The following CDH8 variants were observed in gnomAD, a reference collection of about 807,000 sequenced individuals.
CDH8 encodes the protein cadherin-8.
A neutral mutation model predicts 68.1 loss-of-function variants in CDH8; 17 were observed. That is an observed-to-expected ratio of 0.25 (90% CI 0.17 to 0.37). The LOEUF (loss-of-function observed/expected upper bound fraction) is 0.37. Among genes scored for constraint, CDH8 ranks in the 10% least tolerant of loss-of-function variants. The probability of loss-of-function intolerance (pLI) is 1.00; values close to 1 mark genes in which losing one functional copy is unlikely to be tolerated. For synonymous variants in CDH8, 372 were observed against 365.1 expected (o/e 1.02, Z -0.21); for missense variants, 763 against 999.3 (o/e 0.76, Z 3.19).
chr16:61,780,432 A>T (rs1359034255), intron 8 of CDH8, among the ~76,000 whole-genome samples: 2 of 152,242 alleles, frequency 1.3e-5, no homozygotes, highest in Admixed American at 1.3e-4. Context: ...ACAAGAGGAT[A>T]AAGAATGACA....
chr16:61,920,993 C>G (rs1054427599), intron 2 of CDH8, among the ~76,000 whole-genome samples: 1 of 148,758 alleles, frequency 6.7e-6, no homozygotes, highest in Non-Finnish European at 1.5e-5. Context: ...TCTCAGTAAA[C>G]TATCACAAGA....
rs1282788362 is a variant in CDH8 at position 61,726,746 on chromosome 16, G to T, written c.1536+348C>A. On this transcript the variant is annotated intron_variant, in intron 9 of 11. Coordinates refer to ENST00000577390, the MANE Select transcript of CDH8 (RefSeq NM_001796.5). ...TGTGAAACAAATGTCTCCTCTCCAC[G>T]AGGTTTTACCTTGCTTCTTGTCATT... 2.6e-5 allele frequency: 9 copies of T among 349,640 alleles called. No individual in the cohort carries two copies. In the East Asian group the frequency reaches 3.3e-4, roughly 13 times the overall value. 21.7% of individuals were successfully genotyped at this position (349,640 alleles called of 1,614,324 possible). A position where few individuals can be genotyped will look rare whatever the true frequency, so the allele number is the denominator to read the frequency against.
chr16:62,013,657 A>T (rs957525375), intron 2 of CDH8, among the ~76,000 whole-genome samples: 1 of 152,086 alleles, frequency 6.6e-6, no homozygotes, highest in Admixed American at 6.5e-5. Context: ...ATAAATCTTA[A>T]TTTTTTAATG....
intron 2 of CDH8, among the ~76,000 whole-genome samples, chr16:61,921,034 C>G (rs1409585935): frequency 1.4e-5 from 2 of 146,286 alleles, no homozygotes; most frequent in Admixed American, 1.4e-4. Context: ...TATTCTCACT[C>G]GTAGGTGGGA....
intron 4 of CDH8, among the ~76,000 whole-genome samples, chr16:61,834,166 G>C (rs1489959722): frequency 6.6e-6 from 1 of 151,878 alleles, no homozygotes; most frequent in Non-Finnish European, 1.5e-5. Flanking sequence ...ACTCAGCCCT[G>C]GAGCATGCAA....
At chr16:61,804,559 GAT>G (rs2142997855) in intron 7 of CDH8, among the ~76,000 whole-genome samples, 1 of 148,060 alleles carries the variant, frequency 6.8e-6, no homozygotes, top group East Asian at 2.1e-4. Context: ...CAACAAAATT[GAT>G]AGACCACTAG....
At chr16:62,017,933 C>T (rs1282925408) in intron 2 of CDH8, among the ~76,000 whole-genome samples, 1 of 152,118 alleles carries the variant, frequency 6.6e-6, no homozygotes, top group Non-Finnish European at 1.5e-5. Flanking sequence ...CTCCCAGAGT[C>T]TTGTTATTCA....
At position 61,675,133 on chromosome 16, in the gene CDH8, TC is replaced by T. The variant is rs1425052436; in HGVS notation, c.1655-19413del. 7.2e-5 allele frequency among the ~76,000 whole-genome samples: 11 copies of T among 152,134 alleles called. No homozygotes were observed. In the East Asian group the frequency reaches 2.1e-3, roughly 30 times the overall value. On this transcript the variant is annotated intron_variant, in intron 10 of 11. Transcript: ENST00000577390. ...GTTATTAATCTTGAAGGCAAATTATTCCAGCTAGAAACATGAATTTAAACAA... is the reference window on the plus strand; with the variant it reads ...GTTATTAATCTTGAAGGCAAATTATTCAGCTAGAAACATGAATTTAAACAA...
At chr16:61,747,543 C>A (rs1442279265) in intron 8 of CDH8, among the ~76,000 whole-genome samples, 1 of 151,944 alleles carries the variant, frequency 6.6e-6, no homozygotes, top group Non-Finnish European at 1.5e-5. Context: ...AGGGACAAAG[C>A]AACAAGCTTA....
intron 2 of CDH8, among the ~76,000 whole-genome samples, chr16:62,009,619 C>T (rs1901758318): frequency 6.6e-6 from 1 of 152,106 alleles, no homozygotes; most frequent in Admixed American, 6.5e-5. Flanking sequence ...TTAAGAAGAA[C>T]CTAGAAAATT....
chr16:61,695,669 C>T (rs1295328041), intron 10 of CDH8, among the ~76,000 whole-genome samples: 1 of 152,224 alleles, frequency 6.6e-6, no homozygotes, highest in African/African-American at 2.4e-5. Flanking sequence ...GTTGAGAACC[C>T]ACTGATGTGA....
chr16:61,845,776 T>C (rs1471290365), intron 4 of CDH8, among the ~76,000 whole-genome samples: 1 of 152,142 alleles, frequency 6.6e-6, no homozygotes, highest in Non-Finnish European at 1.5e-5. Flanking sequence ...TATATAGCCA[T>C]ATGTGTCTTA....
chr16:61,988,813 AC>A (rs1965669521), intron 2 of CDH8, among the ~76,000 whole-genome samples: 1 of 152,056 alleles, frequency 6.6e-6, no homozygotes, highest in Admixed American at 6.6e-5. Flanking sequence ...TGTGGCTCAA[AC>A]TCCTTTAAAA....
intron 10 of CDH8, among the ~76,000 whole-genome samples, chr16:61,673,226 TTCTA>T (rs1436446153): frequency 7.2e-5 from 11 of 152,106 alleles, no homozygotes; most frequent in African/African-American, 2.7e-4. Context: ...TTTTATAAAT[TTCTA>T]TCTTTTTATT....
chr16:61,653,352 G>C lies in CDH8; in HGVS notation c.*256C>G. ...TCCCAATCTTTGTCTGTGGTGGTCA[G>C]GTAAATATCAAATATCCAAGGACTT... is the stretch of plus-strand genomic sequence containing the variant. On this transcript the variant is annotated 3_prime_UTR_variant, in exon 12 of 12. Coordinates refer to ENST00000577390, the MANE Select transcript of CDH8 (RefSeq NM_001796.5). The C allele has an allele frequency of 2.4e-6, 3 of 1,245,368 alleles. No individual in the cohort carries two copies. Among genetic ancestry groups the C allele is most frequent in the Non-Finnish European group, 2.0e-6 (2 of 996,936 alleles). The allele number at this position is 1,245,368 out of a possible 1,614,324, so 77.1% of individuals were successfully genotyped here.
intron 10 of CDH8, among the ~76,000 whole-genome samples, chr16:61,699,220 C>G (rs1303143952): frequency 6.6e-6 from 1 of 152,152 alleles, no homozygotes; most frequent in African/African-American, 2.4e-5. Flanking sequence ...AAGAGAAGTT[C>G]TTTGATGCAA....
chr16:61,664,129 T>C (rs62049436), intron 10 of CDH8, among the ~76,000 whole-genome samples: 20,638 of 151,744 alleles, frequency 0.14, 1,579 homozygotes, highest in African/African-American at 0.2. Context: ...CTTGATAATC[T>C]CTCTACCTCC....
chr16:61,952,810 T>G (rs1377901316), intron 2 of CDH8, among the ~76,000 whole-genome samples: 2 of 152,052 alleles, frequency 1.3e-5, no homozygotes, highest in African/African-American at 4.8e-5. Context: ...GCAAATCAAA[T>G]TATATCCCCT....
At chr16:61,751,400 A>AC (rs1831896149) in intron 8 of CDH8, among the ~76,000 whole-genome samples, 1 of 150,094 alleles carries the variant, frequency 6.7e-6, no homozygotes, top group Non-Finnish European at 1.5e-5. Flanking sequence ...AAAAAAAAAA[A>AC]AAAAAAAAAA....
Sources: allele counts gnomAD v4.1 joint callset (sites outside exome capture counted in the v4.1 genomes callset), GRCh38; gene constraint gnomAD v4.1.1; transcripts MANE v1.5; gene names NCBI Gene and HGNC (gene_info 2026-07-23, HGNC 2026-07-21).